The following LAMA2 variants were observed in gnomAD, a reference collection of about 807,000 sequenced individuals.
The protein encoded by LAMA2 is laminin subunit alpha-2.
A neutral mutation model predicts 364.8 loss-of-function variants in LAMA2; 269 were observed. The ratio of observed to expected loss-of-function variants is 0.74; its 90% confidence interval spans 0.67 to 0.82. The LOEUF (loss-of-function observed/expected upper bound fraction) is 0.82, where lower values mean the gene tolerates loss of function less well. Among genes scored for constraint, LAMA2 ranks in the 40% least tolerant of loss-of-function variants. The probability of loss-of-function intolerance (pLI) is 0.00; values close to 1 mark genes in which losing one functional copy is unlikely to be tolerated. For missense variants in LAMA2, 3,807 were observed against 3,873.2 expected (o/e 0.98, Z 0.45); for synonymous variants, 1,379 against 1,370.6 (o/e 1.01, Z -0.14).
At chr6:129,246,165 C>T (rs1468678120) in intron 12 of LAMA2, among the ~76,000 whole-genome samples, 1 of 152,160 alleles carries the variant, frequency 6.6e-6, no homozygotes, top group Non-Finnish European at 1.5e-5. Flanking sequence ...TATACCTTCT[C>T]AAACTTGAGT....
intron 3 of LAMA2, among the ~76,000 whole-genome samples, chr6:129,095,768 A>G (rs1162244401): frequency 1.5e-4 from 22 of 151,706 alleles, no homozygotes; most frequent in South Asian, 1.2e-3. Context: ...AAAAAAAAAA[A>G]AAAAAATTAG....
chr6:129,272,539 G>A (rs1004551503), intron 17 of LAMA2, among the ~76,000 whole-genome samples: 1 of 151,866 alleles, frequency 6.6e-6, no homozygotes, highest in African/African-American at 2.4e-5. Context: ...AAATCTCTAC[G>A]GTCTACAATG....
chr6:129,252,397 T>C (rs1786326345), intron 14 of LAMA2, 102 bp downstream of exon 14: 2 of 827,842 alleles, frequency 2.4e-6, no homozygotes, highest in Non-Finnish European at 2.0e-6. Context: ...TAGGATTTGC[T>C]GTCTTCAAAG....
chr6:129,475,539 A>G (rs1427295818), intron 53 of LAMA2, 138 bp downstream of exon 53: 3 of 622,820 alleles, frequency 4.8e-6, no homozygotes, highest in South Asian at 4.3e-5. Flanking sequence ...CAAGCCGTGC[A>G]TTCTGTGAGA....
chr6:128,956,481 A>C (rs1248176648), intron 1 of LAMA2, among the ~76,000 whole-genome samples: 3 of 152,030 alleles, frequency 2.0e-5, no homozygotes, highest in Non-Finnish European at 4.4e-5. Flanking sequence ...GAAACATAGC[A>C]CTGGATATTT....
chr6:129,082,221 C>T (rs367772544), intron 3 of LAMA2, among the ~76,000 whole-genome samples: 1 of 152,000 alleles, frequency 6.6e-6, no homozygotes, highest in East Asian at 1.9e-4. Context: ...AATAAGTAAC[C>T]AATGAATAGA....
In LAMA2 at chr6:129,300,770, C is replaced by A. The variant is rs1288474892; in HGVS notation, c.3072C>A (p.Asp1024Glu). 3.1e-6 allele frequency: 5 copies of A among 1,613,740 alleles called. No individual in the cohort carries two copies. Among genetic ancestry groups the A allele is most frequent in the Non-Finnish European group, 4.2e-6 (5 of 1,179,696 alleles). Reference protein sequence around the residue: ...CECSHLGNNCDPKTGRCICPP... With the variant: ...CECSHLGNNCEPKTGRCICPP... Reference sequence around the variant, plus strand: ...GTTCTCATCTGGGTAATAATTGTGACCCAAAGACTGGGCGATGCATTTGCC... The same window carrying A: ...GTTCTCATCTGGGTAATAATTGTGAACCAAAGACTGGGCGATGCATTTGCC... Residue 1024 changes from aspartate (D) to glutamate (E), a missense_variant, in exon 22 of 65, where the codon GAC (aspartate) becomes GAA (glutamate). Around this residue, in one of 3 missense-constraint regions of LAMA2, gnomAD observed 3,333 missense variants for 3,345.7 expected, o/e 1.00. Transcript: ENST00000421865.
intron 4 of LAMA2, among the ~76,000 whole-genome samples, chr6:129,115,320 TTC>T (rs1776412861): frequency 6.6e-6 from 1 of 152,136 alleles, no homozygotes; most frequent in Admixed American, 6.6e-5. Context: ...CCACTTTGAT[TTC>T]TCTTTTTGAA....
intron 1 of LAMA2, among the ~76,000 whole-genome samples, chr6:129,018,925 G>A (rs1041131623): frequency 1.8e-4 from 27 of 151,838 alleles, no homozygotes; most frequent in African/African-American, 6.0e-4. Flanking sequence ...TTGTATTCTT[G>A]TCCTATTTGC....
chr6:128,987,699 G>T (rs1783352999), intron 1 of LAMA2, among the ~76,000 whole-genome samples: 1 of 152,156 alleles, frequency 6.6e-6, no homozygotes, highest in South Asian at 2.1e-4. Context: ...AAGAGTCTTA[G>T]GCTTGAAATT....
At chr6:129,502,568 C>T (rs147241883) in intron 58 of LAMA2, 91 bp from the exon 59 acceptor site, 328 of 826,452 alleles carry the variant, frequency 4.0e-4, no homozygotes, top group African/African-American at 4.0e-3. Context: ...TAAAGAATTA[C>T]GCTAATATGT....
At chr6:129,005,137 T>TC (rs1784364907) in intron 1 of LAMA2, among the ~76,000 whole-genome samples, 1 of 152,090 alleles carries the variant, frequency 6.6e-6, no homozygotes, top group Non-Finnish European at 1.5e-5. Context: ...TCTTTTTTTT[T>TC]CTGAAAAACA....
intron 14 of LAMA2, among the ~76,000 whole-genome samples, chr6:129,256,145 A>G (rs549608211): frequency 7.2e-5 from 11 of 152,348 alleles, no homozygotes; most frequent in Admixed American, 7.2e-4. Context: ...AGTATCTAAC[A>G]TATGTTGGGA....
intron 20 of LAMA2, 126 bp from the exon 21 acceptor site, chr6:129,297,559 C>T (rs1403968260): frequency 2.4e-6 from 2 of 830,672 alleles, no homozygotes; most frequent in East Asian, 2.6e-5. Flanking sequence ...ATTGTCATAA[C>T]ATCAGTGAGG....
chr6:128,924,220 A>G (rs2114496362), intron 1 of LAMA2, among the ~76,000 whole-genome samples: 1 of 152,192 alleles, frequency 6.6e-6, no homozygotes, highest in East Asian at 1.9e-4. Context: ...ATACACACAC[A>G]CACATATGTA....
chr6:129,036,504 G>A (rs896197554), intron 1 of LAMA2, among the ~76,000 whole-genome samples: 1 of 151,992 alleles, frequency 6.6e-6, no homozygotes, highest in Non-Finnish European at 1.5e-5. Flanking sequence ...TGTATGGTTA[G>A]CTCTGTTTAT....
At chr6:128,910,257 G>T (rs545524951) in intron 1 of LAMA2, among the ~76,000 whole-genome samples, 1 of 152,194 alleles carries the variant, frequency 6.6e-6, no homozygotes, top group Non-Finnish European at 1.5e-5. Flanking sequence ...CATTCTCCCC[G>T]TCACTTTCAG....
At chr6:129,077,520 G>C (rs1773738949) in intron 3 of LAMA2, among the ~76,000 whole-genome samples, 2 of 152,030 alleles carry the variant, frequency 1.3e-5, no homozygotes, top group Admixed American at 1.3e-4. Flanking sequence ...ATCTCCATCA[G>C]CTGCATTAGA....
intron 12 of LAMA2, among the ~76,000 whole-genome samples, chr6:129,203,715 C>T (rs923136373): frequency 6.6e-6 from 1 of 152,164 alleles, no homozygotes; most frequent in African/African-American, 2.4e-5. Flanking sequence ...TGACCTGATT[C>T]TCTCATTTTT....
Sources: allele counts gnomAD v4.1 joint callset (sites outside exome capture counted in the v4.1 genomes callset), GRCh38; gene constraint gnomAD v4.1.1; regional missense constraint gnomAD v4.1.1; transcripts MANE v1.5; gene names NCBI Gene and HGNC (gene_info 2026-07-23, HGNC 2026-07-21).